The following DIP2C variants were observed in gnomAD, a reference collection of about 807,000 sequenced individuals.
The protein encoded by DIP2C is disco-interacting protein 2 homolog C.
Under a neutral mutation model 192.4 loss-of-function variants are expected in DIP2C, and 33 were observed. The ratio of observed to expected loss-of-function variants is 0.17; its 90% CI spans 0.13 to 0.23. DIP2C has a LOEUF of 0.23. Ranked by LOEUF, DIP2C falls within the 10% of genes least tolerant of loss-of-function variation. DIP2C has a pLI of 1.00. For missense variants in DIP2C, 1,537 were observed against 2,110.1 expected (o/e 0.73, Z 5.32); for synonymous variants, 979 against 864.1 (o/e 1.13, Z -2.33).
intron 32 of DIP2C, among the ~76,000 whole-genome samples, chr10:304,867 C>T (rs1488256777): frequency 1.2e-4 from 18 of 152,122 alleles, no homozygotes; most frequent in Admixed American, 1.2e-3. Flanking sequence ...CAGGCACCCA[C>T]CCATGCAACA....
intron 1 of DIP2C, among the ~76,000 whole-genome samples, chr10:687,439 T>C (rs1261005832): frequency 1.3e-5 from 2 of 152,168 alleles, no homozygotes; most frequent in East Asian, 1.9e-4. Context: ...GCAGAGAGGC[T>C]GAATAGAGCC....
chr10:543,532 T>C (rs1285938384), intron 1 of DIP2C, among the ~76,000 whole-genome samples: 16 of 152,240 alleles, frequency 1.1e-4, no homozygotes, highest in Admixed American at 9.8e-4. Flanking sequence ...CCGTTTTCCC[T>C]GAATACGGTT....
intron 1 of DIP2C, among the ~76,000 whole-genome samples, chr10:525,984 G>A (rs995651094): frequency 6.6e-6 from 1 of 152,200 alleles, no homozygotes; most frequent in South Asian, 2.1e-4. Flanking sequence ...CACAGGCAGT[G>A]GAACCCCCGC....
At chr10:544,898 CATTTTTA>C (rs1328952918) in intron 1 of DIP2C, among the ~76,000 whole-genome samples, 1 of 152,144 alleles carries the variant, frequency 6.6e-6, no homozygotes, top group Non-Finnish European at 1.5e-5. Flanking sequence ...CTGAAATGAA[CATTTTTA>C]ATTTTGATAC....
Position 486,450 on chromosome 10 carries a change from G to A in DIP2C, c.157+9C>T. ...GAGAGGACTCATGCTACTCATGGGG[G>A]TTACCTACTCGGAGGCTGCGGAAGG... On this transcript the variant is annotated intron_variant, in intron 2 of 36. Coordinates refer to ENST00000280886, the MANE Select transcript of DIP2C (RefSeq NM_014974.3). 2 of 1,595,420 alleles carry A rather than the reference G, an allele frequency of 1.3e-6. No homozygotes were observed. The highest frequency in any genetic ancestry group is 1.1e-5 in the South Asian group (1 of 87,740).
At chr10:535,664 C>T (rs572612775) in intron 1 of DIP2C, among the ~76,000 whole-genome samples, 5 of 152,244 alleles carry the variant, frequency 3.3e-5, no homozygotes, top group Middle Eastern at 6.8e-3. Flanking sequence ...ATATTACCAT[C>T]TTTTCTCAAG....
chr10:601,705 T>TG (rs1206124263), intron 1 of DIP2C, among the ~76,000 whole-genome samples: 11 of 152,334 alleles, frequency 7.2e-5, no homozygotes, highest in Non-Finnish European at 1.2e-4. Flanking sequence ...CCCACTGCCC[T>TG]GACTGCAGGC....
intron 1 of DIP2C, among the ~76,000 whole-genome samples, chr10:516,932 C>T (rs896731008): frequency 3.3e-5 from 5 of 149,682 alleles, no homozygotes; most frequent in African/African-American, 7.4e-5. Context: ...TTTCCAGGCC[C>T]GGGGCCATCA....
At chr10:622,564 T>G (rs1180961606) in intron 1 of DIP2C, among the ~76,000 whole-genome samples, 1 of 152,204 alleles carries the variant, frequency 6.6e-6, no homozygotes, top group Non-Finnish European at 1.5e-5. Flanking sequence ...TGACAACATT[T>G]TATTTTCATA....
chr10:433,924 TA>T (rs1301461104), intron 4 of DIP2C, among the ~76,000 whole-genome samples: 4 of 152,182 alleles, frequency 2.6e-5, no homozygotes, highest in Non-Finnish European at 4.4e-5. Flanking sequence ...CTTGTGGTCT[TA>T]ATTGAGCATT....
chr10:671,202 A>G (rs1830615557), intron 1 of DIP2C, among the ~76,000 whole-genome samples: 1 of 152,262 alleles, frequency 6.6e-6, no homozygotes, highest in African/African-American at 2.4e-5. Flanking sequence ...ACACAGGCTC[A>G]GCACACAGCG....
At chr10:365,098 TAAACCAGAG>T (rs1960032595) in intron 19 of DIP2C, 2 of 467,750 alleles carry the variant, frequency 4.3e-6, no homozygotes, top group Admixed American at 5.3e-5. Context: ...CCCTTGCAGA[TAAACCAGAG>T]AAACGGAGAT....
At position 678,669 on chromosome 10, in the gene DIP2C, AGCTCCCCACG is replaced by A. The variant is rs1564335108; in HGVS notation, c.85+10815_85+10824del. 4.9e-3 allele frequency among the ~76,000 whole-genome samples: 32 copies of A among 6,470 alleles called. 3 individuals carry two copies. The highest frequency in any genetic ancestry group is 6.8e-3 in the African/African-American group (31 of 4,542). 4.2% of individuals were successfully genotyped at this position (6,470 alleles called of 152,430 possible). A position where few individuals can be genotyped will look rare whatever the true frequency, so the allele number is the denominator to read the frequency against. ...CCCCGCACCTGTCCTCCCTGTGCCC[AGCTCCCCACG>A]CCCATGCTCCCCACACCCGTTCTCC... On this transcript the variant is annotated intron_variant, in intron 1 of 36. Transcript: ENST00000280886.
chr10:390,474 A>G (rs1963371747), intron 11 of DIP2C, 101 bp from the exon 12 acceptor site: 2 of 1,218,314 alleles, frequency 1.6e-6, no homozygotes, highest in South Asian at 1.3e-5. Context: ...CGTCAACTAG[A>G]TCGAATCTCT....
chr10:618,768 CCACA>C (rs1246057085), intron 1 of DIP2C, among the ~76,000 whole-genome samples: 1 of 152,220 alleles, frequency 6.6e-6, no homozygotes, highest in Admixed American at 6.5e-5. Context: ...TGACCTCGGT[CCACA>C]CAGACACGTG....
In DIP2C at chr10:486,482, C is replaced by G; in HGVS notation, c.134G>C (p.Gly45Ala). Residue 45 changes from glycine to alanine, a missense_variant, in exon 2 of 37, where the codon GGA (glycine) becomes GCA (alanine). Transcript: ENST00000280886. Reference sequence around the variant, plus strand: ...ACTCGGAGGCTGCGGAAGGTAGGCTCCAATTAACTTTGACCTCTTCTTTTC... The same window carrying G: ...ACTCGGAGGCTGCGGAAGGTAGGCTGCAATTAACTTTGACCTCTTCTTTTC... ...GYEKKRSKLI[G>A]AYLPQPPRVD... 1 of 1,603,570 alleles carries G rather than the reference C, an allele frequency of 6.2e-7. No homozygotes were observed. The highest frequency in any genetic ancestry group is 8.5e-7 in the Non-Finnish European group (1 of 1,175,170).
chr10:444,464 C>T (rs1209121270), intron 3 of DIP2C, among the ~76,000 whole-genome samples: 1 of 151,754 alleles, frequency 6.6e-6, no homozygotes, highest in African/African-American at 2.4e-5. Context: ...ACATGGAGCC[C>T]ACGCCATGGT....
intron 32 of DIP2C, among the ~76,000 whole-genome samples, chr10:301,322 C>T (rs1342232167): frequency 6.6e-6 from 1 of 152,162 alleles, no homozygotes; most frequent in Non-Finnish European, 1.5e-5. Context: ...ACTTCAGAGA[C>T]AAGGAAACGC....
chr10:653,144 G>A (rs1207793587), intron 1 of DIP2C, among the ~76,000 whole-genome samples: 5 of 151,970 alleles, frequency 3.3e-5, no homozygotes, highest in African/African-American at 1.2e-4. Context: ...GATATTCAAT[G>A]CCACATTTAA....
Sources: allele counts gnomAD v4.1 joint callset (sites outside exome capture counted in the v4.1 genomes callset), GRCh38; gene constraint gnomAD v4.1.1; transcripts MANE v1.5; gene names NCBI Gene and HGNC (gene_info 2026-07-23, HGNC 2026-07-21).